Variants in WWOX observed in about 807,000 individuals in gnomAD.
WWOX encodes WW domain-containing oxidoreductase.
A neutral mutation model predicts 46.2 loss-of-function variants in WWOX; 69 were observed. The ratio of observed to expected loss-of-function variants is 1.49; its 90% CI spans 1.23 to 1.82. WWOX has a LOEUF of 1.82. Among genes scored for constraint, WWOX ranks in the 40% most tolerant of loss-of-function variants. WWOX has a pLI of 0.00. For missense variants in WWOX, 919 were observed against 542.6 expected, an observed-to-expected ratio of 1.69 and a Z score of -6.89; for synonymous variants, 359 against 202.6, an observed-to-expected ratio of 1.77 and a Z score of -6.56.
intron 8 of WWOX, among the ~76,000 whole-genome samples, chr16:78,541,855 C>G (rs2151528566): frequency 6.6e-6 from 1 of 151,964 alleles, no homozygotes; most frequent in African/African-American, 2.4e-5. Context: ...TGATTTTTGT[C>G]TCCTGTTGTG....
At chr16:79,180,273 A>G (rs1410738730) in intron 8 of WWOX, among the ~76,000 whole-genome samples, 1 of 152,232 alleles carries the variant, frequency 6.6e-6, no homozygotes, top group Non-Finnish European at 1.5e-5. Flanking sequence ...TGTTTATTAC[A>G]GATAATTTGC....
intron 8 of WWOX, among the ~76,000 whole-genome samples, chr16:78,562,935 C>G (rs80101857): frequency 0.029 from 4,384 of 152,166 alleles, 78 homozygotes; most frequent in Middle Eastern, 0.071. Context: ...TGAGCAAACT[C>G]TTACTCTGCC....
chr16:78,595,190 G>A (rs1239160375), intron 8 of WWOX, among the ~76,000 whole-genome samples: 1 of 152,226 alleles, frequency 6.6e-6, no homozygotes, highest in Non-Finnish European at 1.5e-5. Flanking sequence ...GGCAGCTGCT[G>A]CTGAAATAGA....
intron 8 of WWOX, among the ~76,000 whole-genome samples, chr16:78,606,577 A>C (rs1246834431): frequency 6.6e-6 from 1 of 152,140 alleles, no homozygotes; most frequent in South Asian, 2.1e-4. Context: ...AAAAGACAAG[A>C]AATATGCCAC....
intron 5 of WWOX, among the ~76,000 whole-genome samples, chr16:78,322,707 G>T (rs752487500): frequency 3.9e-5 from 6 of 152,180 alleles, no homozygotes; most frequent in Non-Finnish European, 7.3e-5. Context: ...GTGGAGCAGG[G>T]GCAGGCAAAC....
At chr16:78,453,215 G>A (rs1306689192) in intron 8 of WWOX, among the ~76,000 whole-genome samples, 1 of 152,066 alleles carries the variant, frequency 6.6e-6, no homozygotes, top group African/African-American at 2.4e-5. Flanking sequence ...CCTAAGGTCA[G>A]GAGTTTGATA....
chr16:78,324,249 C>G (rs1332405699), intron 5 of WWOX, among the ~76,000 whole-genome samples: 1 of 152,056 alleles, frequency 6.6e-6, no homozygotes, highest in East Asian at 1.9e-4. Flanking sequence ...TTAGATACTG[C>G]TCAACTCACA....
At chr16:78,584,236 T>C (rs749026287) in intron 8 of WWOX, among the ~76,000 whole-genome samples, 10 of 152,350 alleles carry the variant, frequency 6.6e-5, no homozygotes, top group Non-Finnish European at 1.2e-4. Context: ...TATTGCCATA[T>C]ACAGTTATGT....
intron 8 of WWOX, among the ~76,000 whole-genome samples, chr16:78,968,480 A>T (rs1344268167): frequency 6.6e-6 from 1 of 152,222 alleles, no homozygotes; most frequent in Admixed American, 6.5e-5. Context: ...GGCAGTCTTC[A>T]TCGTGGATGC....
chr16:78,433,993 T>G (rs572242784), intron 8 of WWOX, among the ~76,000 whole-genome samples: 2 of 151,684 alleles, frequency 1.3e-5, no homozygotes, highest in Non-Finnish European at 2.9e-5. Flanking sequence ...GTTTCACCGT[T>G]TTAGCCGGGA....
intron 8 of WWOX, among the ~76,000 whole-genome samples, chr16:79,018,051 G>C (rs1339131404): frequency 9.2e-5 from 14 of 152,200 alleles, no homozygotes; most frequent in Admixed American, 4.6e-4. Context: ...AGGCAAAAAA[G>C]GGAAACAAAA....
chr16:78,804,083 C>T (rs768655821), intron 8 of WWOX, among the ~76,000 whole-genome samples: 1 of 152,052 alleles, frequency 6.6e-6, no homozygotes. Flanking sequence ...CATTCCCAAC[C>T]AAGTTTGACC....
At chr16:78,384,667 T>C (rs1439582874) in intron 5 of WWOX, among the ~76,000 whole-genome samples, 1 of 152,180 alleles carries the variant, frequency 6.6e-6, no homozygotes, top group Non-Finnish European at 1.5e-5. Context: ...TTTTCCCCTT[T>C]TCCTAGATCA....
chr16:79,177,427 T>G (rs977022211), intron 8 of WWOX, among the ~76,000 whole-genome samples: 2 of 152,190 alleles, frequency 1.3e-5, no homozygotes, highest in Non-Finnish European at 2.9e-5. Flanking sequence ...GGCAAGGCTT[T>G]TACACACTTC....
chr16:78,460,087 A>G (rs1425728345), intron 8 of WWOX, among the ~76,000 whole-genome samples: 1 of 151,978 alleles, frequency 6.6e-6, no homozygotes, highest in African/African-American at 2.4e-5. Context: ...GATTACAGGC[A>G]TGAGCCACTG....
intron 8 of WWOX, among the ~76,000 whole-genome samples, chr16:79,039,983 C>T (rs974953466): frequency 2.0e-5 from 3 of 152,154 alleles, no homozygotes; most frequent in Admixed American, 6.6e-5. Context: ...CATGCTGGTA[C>T]ATTTCATCAA....
intron 8 of WWOX, among the ~76,000 whole-genome samples, chr16:78,982,912 C>G (rs1302970382): frequency 5.3e-5 from 8 of 152,082 alleles, no homozygotes; most frequent in African/African-American, 1.9e-4. Context: ...TGAACAGTGC[C>G]TGAAATAATA....
At chr16:79,154,590 G>C (rs112432435) in intron 8 of WWOX, among the ~76,000 whole-genome samples, 3,972 of 149,914 alleles carry the variant, frequency 0.026, 193 homozygotes, top group African/African-American at 0.093. Flanking sequence ...TGGCAATTTT[G>C]TGTTTTCTTC....
intron 4 of WWOX, among the ~76,000 whole-genome samples, chr16:78,135,247 G>A (rs2033747101): frequency 6.6e-6 from 1 of 152,150 alleles, no homozygotes; most frequent in Non-Finnish European, 1.5e-5. Context: ...TGTTTGAAAT[G>A]TACCACGTGC....
Sources: gnomAD v4.1 joint callset for allele counts (sites outside exome capture counted in the v4.1 genomes callset) on GRCh38, gnomAD v4.1.1 for gene constraint, MANE v1.5 for transcripts, NCBI Gene and HGNC (gene_info 2026-07-23, HGNC 2026-07-21) for gene names.